The following MTSS1 variants were observed in gnomAD, a reference collection of about 807,000 sequenced individuals.
The protein encoded by MTSS1 is MTSS I-BAR domain containing 1.
Under a neutral mutation model 79.0 loss-of-function variants are expected in MTSS1, and 18 were observed. The ratio of observed to expected loss-of-function variants is 0.23; its 90% CI spans 0.16 to 0.34. The LOEUF is 0.34. Among genes scored for constraint, MTSS1 ranks in the 10% least tolerant of loss-of-function variants. The pLI is 1.00. For synonymous variants in MTSS1, 341 were observed against 368.6 expected, an observed-to-expected ratio of 0.93 and a Z score of 0.86; for missense variants, 815 against 986.2, an observed-to-expected ratio of 0.83 and a Z score of 2.33.
intron 1 of MTSS1, among the ~76,000 whole-genome samples, chr8:124,720,068 G>C (rs1832687056): frequency 6.6e-6 from 1 of 152,216 alleles, no homozygotes; most frequent in African/African-American, 2.4e-5. Flanking sequence ...AATGGCTTTA[G>C]GGTTATCGAG....
intron 1 of MTSS1, among the ~76,000 whole-genome samples, chr8:124,715,459 G>T (rs1283187859): frequency 6.6e-6 from 1 of 151,696 alleles, no homozygotes; most frequent in Non-Finnish European, 1.5e-5. Flanking sequence ...TGATGAACTT[G>T]TCACATCCAC....
chr8:124,723,400 C>T (rs1833229867), intron 1 of MTSS1, among the ~76,000 whole-genome samples: 1 of 152,184 alleles, frequency 6.6e-6, no homozygotes, highest in South Asian at 2.1e-4. Context: ...AATGACTTCT[C>T]TTGATTTGGA....
chr8:124,716,798 G>A (rs924907949), intron 1 of MTSS1, among the ~76,000 whole-genome samples: 3 of 152,080 alleles, frequency 2.0e-5, no homozygotes. Context: ...AGCTCCTTTA[G>A]ATGTAATCCA....
chr8:124,619,002 G>A (rs887486189), intron 3 of MTSS1, among the ~76,000 whole-genome samples: 1 of 152,184 alleles, frequency 6.6e-6, no homozygotes, highest in East Asian at 1.9e-4. Context: ...TTTCTTGTAC[G>A]TGGTTAACGG....
chr8:124,698,267 G>C (rs1829164711), intron 3 of MTSS1: 1 of 152,110 alleles, frequency 6.6e-6, no homozygotes, highest in South Asian at 2.1e-4. Flanking sequence ...GTGGTTCGGA[G>C]AAACTTTCAT....
intron 3 of MTSS1, among the ~76,000 whole-genome samples, chr8:124,682,347 T>C (rs1173158546): frequency 1.3e-5 from 2 of 152,208 alleles, no homozygotes; most frequent in Non-Finnish European, 2.9e-5. Flanking sequence ...CCCTGGAGGT[T>C]GCACAACCAT....
intron 6 of MTSS1, among the ~76,000 whole-genome samples, chr8:124,571,890 G>A (rs1827866566): frequency 6.6e-6 from 1 of 152,180 alleles, no homozygotes; most frequent in South Asian, 2.1e-4. Context: ...CTTGAACCTG[G>A]GAGGGGGAGG....
chr8:124,574,973 T>G (rs1285919078), intron 6 of MTSS1, among the ~76,000 whole-genome samples: 1 of 149,908 alleles, frequency 6.7e-6, no homozygotes, highest in African/African-American at 2.4e-5. Flanking sequence ...AATCGGTAGG[T>G]TTTTTTTTTC....
intron 1 of MTSS1, among the ~76,000 whole-genome samples, chr8:124,706,080 G>C (rs1034480437): frequency 6.6e-6 from 1 of 152,130 alleles, no homozygotes; most frequent in Non-Finnish European, 1.5e-5. Context: ...GTACAATTAA[G>C]TATATTTTTT....
chr8:124,672,174 T>C (rs557723118), intron 3 of MTSS1, among the ~76,000 whole-genome samples: 2 of 152,188 alleles, frequency 1.3e-5, no homozygotes, highest in Non-Finnish European at 2.9e-5. Flanking sequence ...TGTTAACACA[T>C]TAATATTATT....
At chr8:124,590,656 C>G (rs544792760) in intron 4 of MTSS1, among the ~76,000 whole-genome samples, 2 of 152,330 alleles carry the variant, frequency 1.3e-5, no homozygotes, top group African/African-American at 4.8e-5. Context: ...ACATTTGTAA[C>G]CCAATTCCGG....
chr8:124,708,752 C>T (rs1240777927), intron 1 of MTSS1, among the ~76,000 whole-genome samples: 3 of 152,096 alleles, frequency 2.0e-5, no homozygotes, highest in South Asian at 2.1e-4. Flanking sequence ...TCCCCACCTA[C>T]GAACATCCAC....
At chr8:124,632,578 A>G (rs1364789776) in intron 3 of MTSS1, among the ~76,000 whole-genome samples, 1 of 152,256 alleles carries the variant, frequency 6.6e-6, no homozygotes, top group African/African-American at 2.4e-5. Context: ...TTGTCATCTC[A>G]GGCATCAATG....
chr8:124,568,485 T>A lies in MTSS1; in HGVS notation c.512A>T (p.Asp171Val). 1 of 1,614,178 alleles carries A rather than the reference T, an allele frequency of 6.2e-7. No homozygotes were observed. The highest frequency in any genetic ancestry group is 8.5e-7 in the Non-Finnish European group (1 of 1,180,036). The change falls in exon 7 of 14, where the codon GAT becomes GTT. Residue 171 changes from aspartate (D) to valine (V), a missense_variant. Asp to Val is a radical substitution (Grantham distance 152). Around this residue, in one of 2 missense-constraint regions of MTSS1, gnomAD observed 225 missense variants for 365.4 expected, o/e 0.62. Transcript: ENST00000518547. ...TGTTTCTTCCAATAAGAGATACTTA[T>A]CATTGACATCTTGGAGAGCACTGTC... ...QLDSALQDVN[D>V]KYLLLEETEK...
At position 124,580,694 on chromosome 8, in the gene MTSS1, G is replaced by A. The variant is rs148516732; in HGVS notation, c.460+4393C>T. On this transcript the variant is annotated intron_variant, in intron 6 of 13. Coordinates refer to ENST00000518547, the MANE Select transcript of MTSS1 (RefSeq NM_014751.6). ...TCATGTGTTAAACAGTCCATGGCTC[G>A]CCACCAAATTTTCTATTAGGGCTGA... 4.0e-4 allele frequency: 419 copies of A among 1,057,660 alleles called. 2 individuals are homozygous for A. The East Asian group carries it at 9.6e-3, about 24-fold the overall frequency. The allele number at this position is 1,057,660 out of a possible 1,614,324, so 65.5% of individuals were successfully genotyped here. A position where few individuals can be genotyped will look rare whatever the true frequency, so the allele number is the denominator to read the frequency against.
At chr8:124,699,156 CT>C (rs1829334123) in intron 3 of MTSS1, 2 of 228,622 alleles carry the variant, frequency 8.7e-6, no homozygotes, top group Non-Finnish European at 1.7e-5. Flanking sequence ...ATCATCCCTA[CT>C]GCTTCCCATT....
intron 3 of MTSS1, chr8:124,619,435 C>A (rs1328632147): frequency 6.6e-6 from 1 of 152,628 alleles, no homozygotes; most frequent in Admixed American, 6.5e-5. Flanking sequence ...CCGTCACACC[C>A]GTCCTGCCAT....
rs552162053 is a variant in MTSS1, at chr8:124,650,036, T to C, written c.208+49490A>G. Among the ~76,000 whole-genome samples the C allele has an allele frequency of 5.9e-5, 9 of 152,064 alleles. No individual in the cohort carries two copies. The East Asian group carries it at 1.7e-3, about 29-fold the overall frequency. ...AACAGAAGCGCTGAAGAGCCTTTTT[T>C]TTTTTTTCCCTCGAGATGGAGTCTT... On this transcript the variant is annotated intron_variant, in intron 3 of 13. Transcript: ENST00000518547.
At chr8:124,647,712 G>A (rs193022478) in intron 3 of MTSS1, among the ~76,000 whole-genome samples, 226 of 152,174 alleles carry the variant, frequency 1.5e-3, no homozygotes, top group African/African-American at 5.3e-3. Flanking sequence ...GTTACAGCTC[G>A]TCAGCTATAA....
Sources: gnomAD v4.1 joint callset for allele counts (sites outside exome capture counted in the v4.1 genomes callset) on GRCh38, gnomAD v4.1.1 for gene constraint, gnomAD v4.1.1 regional missense constraint, MANE v1.5 for transcripts, NCBI Gene and HGNC (gene_info 2026-07-23, HGNC 2026-07-21) for gene names.